The following CNOT10 variants were observed in gnomAD, a reference collection of about 807,000 sequenced individuals.
The protein encoded by CNOT10 is CCR4-NOT transcription complex, subunit 10.
A neutral mutation model predicts 94.6 loss-of-function variants in CNOT10; 30 were observed. The ratio of observed to expected loss-of-function variants is 0.32; its 90% CI spans 0.24 to 0.43. The LOEUF is 0.43. Ranked by LOEUF, CNOT10 falls within the 20% of genes least tolerant of loss-of-function variation. CNOT10 has a pLI of 1.00. For missense variants in CNOT10, 759 were observed against 877.2 expected, an observed-to-expected ratio of 0.87 and a Z score of 1.70; for synonymous variants, 289 against 301.6, an observed-to-expected ratio of 0.96 and a Z score of 0.43.
At chr3:32,732,042 G>A (rs1262827058) in intron 10 of CNOT10, among the ~76,000 whole-genome samples, 1 of 152,002 alleles carries the variant, frequency 6.6e-6, no homozygotes, top group African/African-American at 2.4e-5. Context: ...TTGTGCCACT[G>A]CACTCCTGCC....
chr3:32,760,902 G>C (rs983963297), intron 14 of CNOT10, among the ~76,000 whole-genome samples: 3 of 151,814 alleles, frequency 2.0e-5, no homozygotes, highest in South Asian at 2.1e-4. Context: ...GCCTACCTGG[G>C]CAAATCATTT....
intron 7 of CNOT10, among the ~76,000 whole-genome samples, chr3:32,718,011 C>A (rs528219032): frequency 5.3e-5 from 8 of 152,090 alleles, no homozygotes; most frequent in Non-Finnish European, 1.2e-4. Flanking sequence ...CTCCCTCCAC[C>A]CTAATCTTTC....
At chr3:32,713,413 A>G in intron 5 of CNOT10, 44 bp downstream of exon 5, 1 of 1,453,098 alleles carries the variant, frequency 6.9e-7, no homozygotes, top group Non-Finnish European at 9.3e-7. Flanking sequence ...AAATGTGATT[A>G]ATTCTCTCTA....
intron 3 of CNOT10, among the ~76,000 whole-genome samples, chr3:32,705,525 C>T (rs1697580141): frequency 6.6e-6 from 1 of 152,080 alleles, no homozygotes; most frequent in Non-Finnish European, 1.5e-5. Flanking sequence ...TGTGACAGGG[C>T]TCTGCCAAGC....
At chr3:32,727,059 C>T (rs1309905446) in intron 9 of CNOT10, among the ~76,000 whole-genome samples, 3 of 151,904 alleles carry the variant, frequency 2.0e-5, no homozygotes, top group Non-Finnish European at 2.9e-5. Context: ...TTTGGCCAGT[C>T]TGGTTTTGAA....
intron 17 of CNOT10, 196 bp downstream of exon 17, chr3:32,765,005 G>C: frequency 2.0e-6 from 3 of 1,508,506 alleles, no homozygotes; most frequent in South Asian, 2.4e-5. Flanking sequence ...TTAAAGGAAA[G>C]TTCTTCTTGA....
intron 11 of CNOT10, 92 bp from the exon 12 acceptor site, chr3:32,734,708 A>G (rs932178408): frequency 1.8e-5 from 20 of 1,087,114 alleles, no homozygotes; most frequent in Non-Finnish European, 2.6e-5. Flanking sequence ...CATAGCTTTC[A>G]TTTATAATCA....
Position 32,766,287 on chromosome 3 carries a change from C to A in CNOT10, c.2004+1478C>A, listed in dbSNP as rs1332888270. 4.3e-5 allele frequency among the ~76,000 whole-genome samples: 2 copies of A among 46,392 alleles called. 1 individual carries two copies. The highest frequency in any genetic ancestry group is 1.4e-3 in the East Asian group (2 of 1,458). The allele number at this position is 46,392 out of a possible 152,430, so 30.4% of individuals were successfully genotyped here. On this transcript the variant is annotated intron_variant, in intron 17 of 18. Coordinates refer to ENST00000328834, the MANE Select transcript of CNOT10 (RefSeq NM_015442.3). ...AAAGTGCTGGGATTACAGGTGTGAGCCACCGTGCCCAGGTGCTTTTAAATT... is the reference window on the plus strand; with the variant it reads ...AAAGTGCTGGGATTACAGGTGTGAGACACCGTGCCCAGGTGCTTTTAAATT...
chr3:32,773,276 G>A (rs1368687074), intron 18 of CNOT10, among the ~76,000 whole-genome samples, 181 bp from the exon 19 acceptor site: 3 of 152,112 alleles, frequency 2.0e-5, no homozygotes, highest in African/African-American at 7.2e-5. Context: ...GCCCTACATC[G>A]CTTAAATCAG....
intron 14 of CNOT10, among the ~76,000 whole-genome samples, chr3:32,762,018 A>T (rs13070727): frequency 6.6e-6 from 1 of 150,860 alleles, no homozygotes; most frequent in South Asian, 2.1e-4. Flanking sequence ...GTGATCTGCC[A>T]TCTTGGCCTC....
At chr3:32,753,606 A>G in intron 13 of CNOT10, 1 of 1,582,056 alleles carries the variant, frequency 6.3e-7, no homozygotes, top group Non-Finnish European at 8.7e-7. Context: ...CTACACCAAA[A>G]CAATTCATAG....
chr3:32,716,838 C>T (rs1028801249), intron 6 of CNOT10, among the ~76,000 whole-genome samples: 1 of 151,986 alleles, frequency 6.6e-6, no homozygotes, highest in Non-Finnish European at 1.5e-5. Flanking sequence ...TTAGTAGAGA[C>T]AGGGTTTCAT....
intron 1 of CNOT10, among the ~76,000 whole-genome samples, chr3:32,688,473 T>C (rs920160328): frequency 2.0e-5 from 3 of 151,906 alleles, no homozygotes; most frequent in African/African-American, 7.3e-5. Context: ...GGCGCACACC[T>C]GTAATCCCAG....
chr3:32,689,806 T>C (rs890395282), intron 1 of CNOT10, among the ~76,000 whole-genome samples: 1 of 151,974 alleles, frequency 6.6e-6, no homozygotes, highest in Non-Finnish European at 1.5e-5. Context: ...TAAAAAAAAA[T>C]TAGCTAGGCA....
intron 4 of CNOT10, among the ~76,000 whole-genome samples, chr3:32,710,147 C>A (rs1360042762): frequency 3.3e-4 from 23 of 70,640 alleles, no homozygotes; most frequent in African/African-American, 8.1e-4. Context: ...AACTTGCTCT[C>A]AAAAAAAAAA....
At chr3:32,716,750 C>T (rs780568019) in intron 6 of CNOT10, among the ~76,000 whole-genome samples, 4 of 152,230 alleles carry the variant, frequency 2.6e-5, no homozygotes, top group Admixed American at 6.5e-5. Context: ...CAGTTTCAAG[C>T]GATTCTCCTG....
At chr3:32,768,324 G>A (rs1222455936) in intron 17 of CNOT10, among the ~76,000 whole-genome samples, 1 of 151,798 alleles carries the variant, frequency 6.6e-6, no homozygotes, top group East Asian at 1.9e-4. Flanking sequence ...GCTCACATCT[G>A]TAATCCCAGC....
chr3:32,773,597 G>A lies in CNOT10; in HGVS notation c.2221G>A (p.Val741Met), dbSNP rs749103049. The change falls in exon 19 of 19, where the codon GTG becomes ATG. Residue 741 changes from valine (V) to methionine (M), a missense_variant. Coordinates refer to ENST00000328834, the MANE Select transcript of CNOT10 (RefSeq NM_015442.3). ...QPIQMPAFTT[V>M]QRK ...CATCCAAATGCCGGCTTTCACCACT[G>A]TGCAGAGAAAGTGATACTTCACTTT... 31 of 1,610,504 alleles carry A rather than the reference G, an allele frequency of 1.9e-5. 1 individual carries two copies. The Middle Eastern group carries it at 1.5e-3, about 77-fold the overall frequency.
At chr3:32,727,371 A>C (rs1698722876) in intron 9 of CNOT10, among the ~76,000 whole-genome samples, 2 of 152,152 alleles carry the variant, frequency 1.3e-5, no homozygotes, top group African/African-American at 2.4e-5. Context: ...TATAAGGTGC[A>C]AAGGAGTGAG....
Sources: gnomAD v4.1 joint callset for allele counts (sites outside exome capture counted in the v4.1 genomes callset) on GRCh38, gnomAD v4.1.1 for gene constraint, MANE v1.5 for transcripts, NCBI Gene and HGNC (gene_info 2026-07-23, HGNC 2026-07-21) for gene names.